The following ANK3 variants were observed in gnomAD, a reference collection of about 807,000 sequenced individuals.
ANK3 encodes ankyrin 3.
ANK3 carries 57 observed loss-of-function variants against 370.9 expected under a neutral mutation model. The ratio of observed to expected loss-of-function variants is 0.15; its 90% confidence interval spans 0.12 to 0.19. The LOEUF (loss-of-function observed/expected upper bound fraction) is 0.19, where lower values mean the gene tolerates loss of function less well. ANK3 is among the 10% of genes least tolerant of loss of function. The pLI, the probability that ANK3 is intolerant of heterozygous loss-of-function variation, is 1.00. For synonymous variants in ANK3, 1,929 were observed against 1,946.3 expected, an observed-to-expected ratio of 0.99 and a Z score of 0.23; for missense variants, 4,439 against 5,302.1, an observed-to-expected ratio of 0.84 and a Z score of 5.06.
intron 25 of ANK3, among the ~76,000 whole-genome samples, chr10:60,115,629 C>A (rs1178971876): frequency 1.3e-5 from 2 of 151,974 alleles, no homozygotes; most frequent in Non-Finnish European, 2.9e-5. Flanking sequence ...CTAGAATATA[C>A]ATAAGAAGGA....
chr10:60,034,472 G>C (rs2074465645), intron 43 of ANK3, among the ~76,000 whole-genome samples: 1 of 152,182 alleles, frequency 6.6e-6, no homozygotes, highest in South Asian at 2.1e-4. Flanking sequence ...TTCACTTTGA[G>C]GATCTAGATT....
At chr10:60,347,638 A>G (rs1222552844) in intron 1 of ANK3, among the ~76,000 whole-genome samples, 1 of 152,130 alleles carries the variant, frequency 6.6e-6, no homozygotes, top group African/African-American at 2.4e-5. Context: ...ATGAATGAAT[A>G]GTTAAGTTCC....
Position 60,609,632 on chromosome 10 carries a change from A to G in ANK3, c.96+5554T>C, listed in dbSNP as rs185906828. ...ATAATATGACAGAATATGAGATAAT[A>G]TGACAGTGACATATTACACAATGCA... On this transcript the variant is annotated intron_variant, in intron 2 of 43. Coordinates refer to the ANK3 transcript ENST00000373827. 2.4e-3 allele frequency among the ~76,000 whole-genome samples: 359 copies of G among 152,220 alleles called. 3 individuals carry two copies. The highest frequency in any genetic ancestry group is 0.01 in the Middle Eastern group (3 of 294).
chr10:60,083,565 A>G lies in ANK3; in HGVS notation c.4127T>C (p.Leu1376Pro), dbSNP rs763216950. ...AACAAGTTGCTGTCCTCCTTTGGTA[A>G]GTGGGGCCAAATTTCCATAACAATC... Reference protein sequence around the residue: ...YVDCYGNLAPLTKGGQQLVFN... With the variant: ...YVDCYGNLAPPTKGGQQLVFN... The change falls in exon 33 of 44, where the codon CTT becomes CCT. Residue 1376 changes from leucine (L) to proline (P), a missense_variant. By Grantham distance (98) the Leu-to-Pro change is moderately conservative (BLOSUM62 -3). Transcript: ENST00000280772. The G allele has an allele frequency of 1.7e-5, 28 of 1,611,650 alleles. No homozygotes were observed.
chr10:60,681,473 T>G (rs1016924770), intron 1 of ANK3, among the ~76,000 whole-genome samples: 1 of 152,190 alleles, frequency 6.6e-6, no homozygotes, highest in Non-Finnish European at 1.5e-5. Context: ...AACATCATTT[T>G]CTCTGGAACA....
chr10:60,584,489 G>A (rs1365742277), intron 2 of ANK3, among the ~76,000 whole-genome samples: 2 of 151,996 alleles, frequency 1.3e-5, no homozygotes, highest in African/African-American at 4.8e-5. Context: ...GTGGTGGCAA[G>A]TGCCTGTAGT....
At chr10:60,155,065 C>A (rs901400110) in intron 23 of ANK3, among the ~76,000 whole-genome samples, 4 of 152,026 alleles carry the variant, frequency 2.6e-5, no homozygotes, top group Non-Finnish European at 5.9e-5. Flanking sequence ...CTCACAGGAA[C>A]CCCAAACTGA....
intron 40 of ANK3, chr10:60,059,890 T>C: frequency 1.9e-6 from 3 of 1,614,222 alleles, no homozygotes; most frequent in East Asian, 4.5e-5. Context: ...CTAGGGGTTC[T>C]AAGGGGAGAT....
At chr10:60,500,069 A>G (rs1166367569) in intron 2 of ANK3, among the ~76,000 whole-genome samples, 1 of 152,220 alleles carries the variant, frequency 6.6e-6, no homozygotes, top group African/African-American at 2.4e-5. Context: ...TGACTAAATT[A>G]CCTGAGCTCC....
intron 43 of ANK3, among the ~76,000 whole-genome samples, chr10:60,031,373 A>G (rs2073504530): frequency 6.6e-6 from 1 of 152,074 alleles, no homozygotes; most frequent in Non-Finnish European, 1.5e-5. Context: ...AACCAGTCTT[A>G]CTGTGTCAAA....
chr10:60,253,695 C>A (rs1012642638), intron 7 of ANK3, among the ~76,000 whole-genome samples: 1 of 152,212 alleles, frequency 6.6e-6, no homozygotes, highest in Non-Finnish European at 1.5e-5. Context: ...CACATGGCTA[C>A]TTTCCCATAA....
chr10:60,161,738 A>G (rs1163699435), intron 23 of ANK3, among the ~76,000 whole-genome samples: 1 of 152,152 alleles, frequency 6.6e-6, no homozygotes, highest in African/African-American at 2.4e-5. Flanking sequence ...AGGAGGCTGG[A>G]AAGAGCGGGG....
In ANK3 at chr10:60,572,908, G is replaced by A. The variant is rs552501060; in HGVS notation, c.96+42278C>T. 1.1e-4 allele frequency: 114 copies of A among 1,017,580 alleles called. 1 individual carries two copies. The South Asian group carries it at 3.8e-3, about 34-fold the overall frequency. The allele number at this position is 1,017,580 out of a possible 1,614,324, so 63.0% of individuals were successfully genotyped here. On this transcript the variant is annotated intron_variant, in intron 2 of 43. Coordinates refer to the ANK3 transcript ENST00000373827. Reference sequence around the variant, plus strand: ...ATGGTGAGAGAGAGAGAAAGAGAGAGAGAGACACACACACACACCCTCACA... The same window carrying A: ...ATGGTGAGAGAGAGAGAAAGAGAGAAAGAGACACACACACACACCCTCACA...
At chr10:60,658,993 T>A (rs2078903140) in intron 1 of ANK3, among the ~76,000 whole-genome samples, 1 of 151,018 alleles carries the variant, frequency 6.6e-6, no homozygotes, top group South Asian at 2.1e-4. Context: ...GAGGGGAGGA[T>A]CTTGTCAACA....
chr10:60,638,563 A>G (rs1410102432), intron 1 of ANK3, among the ~76,000 whole-genome samples: 1 of 152,140 alleles, frequency 6.6e-6, no homozygotes, highest in East Asian at 1.9e-4. Flanking sequence ...CAAAACAGAA[A>G]CAGAAATGAG....
intron 2 of ANK3, among the ~76,000 whole-genome samples, chr10:60,601,173 G>GCA (rs55896952): frequency 0.011 from 1,653 of 147,706 alleles, 16 homozygotes; most frequent in African/African-American, 0.032. Flanking sequence ...TTTATACAAC[G>GCA]CACACACACA....
At chr10:60,206,070 G>A (rs2096757530) in intron 10 of ANK3, among the ~76,000 whole-genome samples, 180 bp from the exon 11 acceptor site, 1 of 152,108 alleles carries the variant, frequency 6.6e-6, no homozygotes, top group African/African-American at 2.4e-5. Context: ...GGGAACCCAA[G>A]GTACCCTGAT....
intron 1 of ANK3, among the ~76,000 whole-genome samples, chr10:60,662,769 G>C (rs573220761): frequency 3.9e-5 from 6 of 152,244 alleles, no homozygotes; most frequent in African/African-American, 1.2e-4. Flanking sequence ...CGAGTATCTA[G>C]AGCCAGGTCT....
intron 1 of ANK3, among the ~76,000 whole-genome samples, chr10:60,694,141 G>C (rs1044445505): frequency 1.3e-5 from 2 of 152,198 alleles, no homozygotes; most frequent in African/African-American, 4.8e-5. Flanking sequence ...CTGGAAGAAA[G>C]GGTATCAGTG....
Sources: gnomAD v4.1 joint callset for allele counts (sites outside exome capture counted in the v4.1 genomes callset) on GRCh38, gnomAD v4.1.1 for gene constraint, MANE v1.5 for transcripts, NCBI Gene and HGNC (gene_info 2026-07-23, HGNC 2026-07-21) for gene names.